MLLT11: variants seen among roughly 807,000 people sequenced by gnomAD.
The protein encoded by MLLT11 is MLLT11 transcription factor 7 cofactor, also known as protein AF1q.
Under a neutral mutation model 5.3 loss-of-function variants are expected in MLLT11, and 1 was observed. The ratio of observed to expected loss-of-function variants is 0.19; its 90% confidence interval spans 0.07 to 0.89. The LOEUF (loss-of-function observed/expected upper bound fraction) is 0.89. MLLT11 is among the 40% of genes least tolerant of loss of function. The pLI, the probability that MLLT11 is intolerant of heterozygous loss-of-function variation, is 0.67. For missense variants in MLLT11, 87 were observed against 107.3 expected (o/e 0.81, Z 0.83); for synonymous variants, 38 against 41.7 (o/e 0.91, Z 0.34).
At chr1:151,064,395 C>T (rs1676448297) in intron 1 of MLLT11, among the ~76,000 whole-genome samples, 1 of 152,138 alleles carries the variant, frequency 6.6e-6, no homozygotes, top group Non-Finnish European at 1.5e-5. Context: ...TAAGGCTTAC[C>T]TGTGGGCTAA....
At chr1:151,061,522 G>T (rs1676407517) in intron 1 of MLLT11, among the ~76,000 whole-genome samples, 1 of 152,184 alleles carries the variant, frequency 6.6e-6, no homozygotes, top group Non-Finnish European at 1.5e-5. Flanking sequence ...TAAAGTGAAG[G>T]ATAGTGGGAA....
chr1:151,063,676 C>T lies in MLLT11; in HGVS notation c.-7+3123C>T, dbSNP rs374403399. Among the ~76,000 whole-genome samples, 37 of 152,342 alleles carry T rather than the reference C, an allele frequency of 2.4e-4. No homozygotes were observed. The East Asian group carries it at 6.2e-3, about 25-fold the overall frequency. On this transcript the variant is annotated intron_variant, in intron 1 of 1. Transcript: ENST00000368921. ...TCCTGACCTCGTGATCCACCCGCCT[C>T]GGCCTCCCAAAGTGCTGGGATTACA...
rs1571858386 is a variant in MLLT11, at chr1:151,067,997, T to G, written c.*500T>G. ...TAAAAGGCTAAAGTGATAAGTCTCT[T>G]GCTTTTTTTTGATCCTGCTCTTATA... is the stretch of plus-strand genomic sequence containing the variant. On this transcript the variant is annotated 3_prime_UTR_variant, in exon 2 of 2. Transcript: ENST00000368921. The G allele has an allele frequency of 8.2e-6, 2 of 245,008 alleles. No homozygotes were observed. Among genetic ancestry groups the G allele is most frequent in the Non-Finnish European group, 1.7e-5 (2 of 116,478 alleles). The allele number at this position is 245,008 out of a possible 1,614,324, so 15.2% of individuals were successfully genotyped here.
At chr1:151,062,513 C>T (rs977821928) in intron 1 of MLLT11, among the ~76,000 whole-genome samples, 3 of 152,052 alleles carry the variant, frequency 2.0e-5, no homozygotes, top group Non-Finnish European at 4.4e-5. Context: ...TAGGCGCCTG[C>T]CACCACACCT....
At chr1:151,061,034 C>T (rs745508280) in intron 1 of MLLT11, among the ~76,000 whole-genome samples, 93 of 152,138 alleles carry the variant, frequency 6.1e-4, no homozygotes, top group Non-Finnish European at 1.2e-3. Context: ...TAATCTCTTT[C>T]ATTCCACCTC....
intron 1 of MLLT11, among the ~76,000 whole-genome samples, chr1:151,063,794 TAAA>T (rs1436679182): frequency 6.6e-6 from 1 of 152,194 alleles, no homozygotes; most frequent in African/African-American, 2.4e-5. Flanking sequence ...CTAATAGTCC[TAAA>T]ATATCAGGCA....
At chr1:151,064,250 A>G (rs1265406643) in intron 1 of MLLT11, among the ~76,000 whole-genome samples, 1 of 151,896 alleles carries the variant, frequency 6.6e-6, no homozygotes, top group East Asian at 1.9e-4. Context: ...TGAACTCCTC[A>G]CCTCCTGATC....
At chr1:151,062,445 C>T (rs1262326198) in intron 1 of MLLT11, among the ~76,000 whole-genome samples, 1 of 151,430 alleles carries the variant, frequency 6.6e-6, no homozygotes, top group African/African-American at 2.4e-5. Context: ...TCACTGCAAC[C>T]TCCACCTCCC....
chr1:151,069,386 C>G lies in MLLT11; in HGVS notation c.*1889C>G, dbSNP rs1676536041. 6.6e-6 allele frequency among the ~76,000 whole-genome samples: 1 copy of G among 152,294 alleles called. No individual in the cohort carries two copies. Among genetic ancestry groups the G allele is most frequent in the South Asian group, 2.1e-4 (1 of 4,834 alleles). Reference sequence around the variant, plus strand: ...GCCATGAAAAGCCCACATCTAAAGACGGTCCCAGTCTAACGAAGAATGGGG... The same window carrying G: ...GCCATGAAAAGCCCACATCTAAAGAGGGTCCCAGTCTAACGAAGAATGGGG... On this transcript the variant is annotated 3_prime_UTR_variant, in exon 2 of 2. Coordinates refer to ENST00000368921, the MANE Select transcript of MLLT11 (RefSeq NM_006818.4).
At position 151,067,430 on chromosome 1, in the gene MLLT11, A is replaced by G; in HGVS notation, c.206A>G (p.Tyr69Cys). The stretch of plus-strand genomic sequence containing the variant: ...CCTGAAGGTGATGGCCTCCTTGAGT[A>G]CAGCACCTTCAACTTCTGGAGAGCT... ...KNPEGDGLLE[Y>C]STFNFWRAPI... The change falls in exon 2 of 2, where the codon TAC (tyrosine) becomes TGC (cysteine). Residue 69 changes from tyrosine to cysteine, a missense_variant. Tyr to Cys is a radical substitution (Grantham distance 194). Transcript: ENST00000368921. 1 of 1,614,136 alleles carries G rather than the reference A, an allele frequency of 6.2e-7. No individual in the cohort carries two copies. Among genetic ancestry groups the G allele is most frequent in the Non-Finnish European group, 8.5e-7 (1 of 1,180,006 alleles).
chr1:151,064,031 C>T (rs202234127), intron 1 of MLLT11, among the ~76,000 whole-genome samples: 1 of 148,674 alleles, frequency 6.7e-6, no homozygotes, highest in Admixed American at 6.6e-5. Flanking sequence ...TTTATTATTA[C>T]TTTTTTTGAG....
At chr1:151,067,168 G>A in intron 1 of MLLT11, 51 bp from the exon 2 acceptor site, 4 of 1,542,982 alleles carry the variant, frequency 2.6e-6, no homozygotes, top group Non-Finnish European at 3.5e-6. Flanking sequence ...AAGGCCATGG[G>A]CCACAAAGAA....
rs1263735277 is a variant in MLLT11 at position 151,067,480 on chromosome 1, G to A, written c.256G>A (p.Glu86Lys). Residue 86 changes from glutamate to lysine, a missense_variant, in exon 2 of 2, where the codon GAA (glutamate) becomes AAA (lysine). Transcript: ENST00000368921. ...RAPIASIHSF[E>K]LDLL is the part of the protein sequence containing the mutation. ...TCCCATTGCCAGCATCCACTCCTTC[G>A]AACTGGACTTGCTCTAAGGCCAAGA... The A allele has an allele frequency of 6.2e-6, 10 of 1,613,594 alleles. No homozygotes were observed. Among genetic ancestry groups the A allele is most frequent in the South Asian group, 1.1e-5 (1 of 91,056 alleles).
intron 1 of MLLT11, among the ~76,000 whole-genome samples, chr1:151,060,862 G>A (rs1357631273): frequency 6.6e-6 from 1 of 152,046 alleles, no homozygotes; most frequent in Non-Finnish European, 1.5e-5. Context: ...ACCATAATTT[G>A]TTTTACCAGC....
In MLLT11 at chr1:151,067,951, T is replaced by C. The variant is rs1189598400; in HGVS notation, c.*454T>C. On this transcript the variant is annotated 3_prime_UTR_variant, in exon 2 of 2. Transcript: ENST00000368921. Reference sequence around the variant, plus strand: ...CCTCGGAAGTTTTAATTTGAGGTTATCTGCTACGAAACAGTATTTCTAAAA... The same window carrying C: ...CCTCGGAAGTTTTAATTTGAGGTTACCTGCTACGAAACAGTATTTCTAAAA... The C allele has an allele frequency of 1.2e-5, 3 of 251,550 alleles. No homozygotes were observed. The highest frequency in any genetic ancestry group is 2.5e-5 in the Non-Finnish European group (3 of 120,306). 15.6% of individuals were successfully genotyped at this position (251,550 alleles called of 1,614,324 possible).
At chr1:151,064,294 T>C (rs973279325) in intron 1 of MLLT11, among the ~76,000 whole-genome samples, 16 of 152,324 alleles carry the variant, frequency 1.1e-4, no homozygotes, top group African/African-American at 3.8e-4. Context: ...GCTGGGATTA[T>C]AGGCGTAAGC....
At position 151,067,622 on chromosome 1, in the gene MLLT11, GC is replaced by G; in HGVS notation, c.*127del. ...CTGTGTTGGTGGTGCTGATGAATCT[GC>G]CAGAGTTGAGTTCTATGTATTTATT... On this transcript the variant is annotated 3_prime_UTR_variant, in exon 2 of 2. Transcript: ENST00000368921. 9.2e-7 allele frequency: 1 copy of G among 1,084,696 alleles called. No individual in the cohort carries two copies. The highest frequency in any genetic ancestry group is 1.3e-6 in the Non-Finnish European group (1 of 741,288). The allele number at this position is 1,084,696 out of a possible 1,614,324, so 67.2% of individuals were successfully genotyped here. A position where few individuals can be genotyped will look rare whatever the true frequency, so the allele number is the denominator to read the frequency against.
Position 151,067,361 on chromosome 1 carries a change from G to A in MLLT11, c.137G>A (p.Gly46Asp). 1.2e-6 allele frequency: 2 copies of A among 1,614,160 alleles called. No individual in the cohort carries two copies. ...TACAAGGTCAAAGACAGCAGCGTTG[G>A]CAAAATGATCGGGCAAGCAACTGCA... ...ATYKVKDSSV[G>D]KMIGQATAAD... is the part of the protein sequence containing the mutation. Residue 46 changes from glycine (G) to aspartate (D), a missense_variant, in exon 2 of 2, where the codon GGC (glycine) becomes GAC (aspartate). By Grantham distance (94) the Gly-to-Asp change is moderately conservative (BLOSUM62 -1). Transcript: ENST00000368921.
rs587718220 is a variant in MLLT11, at chr1:151,065,169, T to C, written c.-6-2050T>C. Among the ~76,000 whole-genome samples the C allele has an allele frequency of 4.4e-3, 673 of 152,360 alleles. 4 individuals carry two copies. Among genetic ancestry groups the C allele is most frequent in the African/African-American group, 0.015 (632 of 41,592 alleles). On this transcript the variant is annotated intron_variant, in intron 1 of 1. Coordinates refer to ENST00000368921, the MANE Select transcript of MLLT11 (RefSeq NM_006818.4). The stretch of plus-strand genomic sequence containing the variant: ...GAATAGCACTTTAACTTCAATTTTC[T>C]GTGTAGTCTTATTTTATGTTCTTGA...
Sources: allele counts gnomAD v4.1 joint callset (sites outside exome capture counted in the v4.1 genomes callset), GRCh38; gene constraint gnomAD v4.1.1; transcripts MANE v1.5; gene names NCBI Gene and HGNC (gene_info 2026-07-23, HGNC 2026-07-21).